CEP85L: variants seen among roughly 807,000 people sequenced by gnomAD.
CEP85L encodes centrosomal protein of 85 kDa-like.
Under a neutral mutation model 100.3 loss-of-function variants are expected in CEP85L, and 60 were observed. That is an observed-to-expected ratio of 0.60 (90% confidence interval 0.49 to 0.74). The LOEUF (loss-of-function observed/expected upper bound fraction) is 0.74, where lower values mean the gene tolerates loss of function less well. Ranked by LOEUF, CEP85L falls within the 30% of genes least tolerant of loss-of-function variation. The pLI is 0.00. For missense variants in CEP85L, 973 were observed against 936.2 expected (o/e 1.04, Z -0.51); for synonymous variants, 319 against 322.7 (o/e 0.99, Z 0.12).
intron 1 of CEP85L, among the ~76,000 whole-genome samples, chr6:118,700,655 C>T (rs1299775524): frequency 6.6e-6 from 1 of 152,220 alleles, no homozygotes; most frequent in Non-Finnish European, 1.5e-5. Context: ...TCTGAATCTA[C>T]ACGCAGTTCT....
rs1773980429 is a variant in CEP85L, at chr6:118,629,046, T to C, written c.232+3407A>G. Among the ~76,000 whole-genome samples the C allele has an allele frequency of 2.0e-5, 3 of 152,234 alleles. No homozygotes were observed. The East Asian group carries it at 5.8e-4, about 29-fold the overall frequency. ...GGATCAAAAATATTAACAATAAAAA[T>C]AATCAAACTTTAAAAACAATATAGT... is the stretch of plus-strand genomic sequence containing the variant. On this transcript the variant is annotated intron_variant, in intron 2 of 12. Coordinates refer to ENST00000368491, the MANE Select transcript of CEP85L (RefSeq NM_001042475.3).
intron 8 of CEP85L, among the ~76,000 whole-genome samples, chr6:118,481,257 G>A (rs1169243910): frequency 6.7e-6 from 1 of 150,324 alleles, no homozygotes; most frequent in East Asian, 1.9e-4. Flanking sequence ...TTTTTATAAA[G>A]CCATTAGGTA....
intron 2 of CEP85L, among the ~76,000 whole-genome samples, chr6:118,567,557 T>C (rs991346121): frequency 1.3e-5 from 2 of 152,050 alleles, no homozygotes; most frequent in Non-Finnish European, 2.9e-5. Context: ...AACCAAAGAC[T>C]ATAATTTTGT....
At chr6:118,613,680 C>T (rs1206777574) in intron 2 of CEP85L, among the ~76,000 whole-genome samples, 1 of 145,714 alleles carries the variant, frequency 6.9e-6, no homozygotes, top group Non-Finnish European at 1.5e-5. Flanking sequence ...TCGCTTGAAC[C>T]CAGGAGTTGG....
At chr6:118,592,807 T>G (rs1781265401) in intron 2 of CEP85L, among the ~76,000 whole-genome samples, 1 of 152,216 alleles carries the variant, frequency 6.6e-6, no homozygotes, top group African/African-American at 2.4e-5. Context: ...AAAGGAGTTC[T>G]CTATTTGCTT....
At chr6:118,496,575 G>C (rs897653286) in intron 5 of CEP85L, among the ~76,000 whole-genome samples, 1 of 151,892 alleles carries the variant, frequency 6.6e-6, no homozygotes, top group African/African-American at 2.4e-5. Flanking sequence ...GGCTGGTCTC[G>C]AACTCCTGAC....
At chr6:118,701,109 G>A (rs1382352469) in intron 1 of CEP85L, among the ~76,000 whole-genome samples, 1 of 152,180 alleles carries the variant, frequency 6.6e-6, no homozygotes, top group East Asian at 1.9e-4. Flanking sequence ...TTTCTACATT[G>A]TTAAGAGCCA....
At chr6:118,510,296 A>C (rs1359675939) in intron 5 of CEP85L, among the ~76,000 whole-genome samples, 1 of 152,268 alleles carries the variant, frequency 6.6e-6, no homozygotes, top group South Asian at 2.1e-4. Flanking sequence ...CAAAATATTG[A>C]GACAAAATTG....
chr6:118,651,442 G>C lies in CEP85L; in HGVS notation c.-173C>G, dbSNP rs1326282930. 1 of 1,326,838 alleles carries C rather than the reference G, an allele frequency of 7.5e-7. No individual in the cohort carries two copies. Among genetic ancestry groups the C allele is most frequent in the Non-Finnish European group, 9.6e-7 (1 of 1,042,200 alleles). The allele number at this position is 1,326,838 out of a possible 1,614,324, so 82.2% of individuals were successfully genotyped here. ...CTACGGGCGGGGAGCGCAGGGGCCA[G>C]ATTCGCCGCACTGCCGGCGCCTGCC... On this transcript the variant is annotated 5_prime_UTR_variant, in exon 1 of 13. The change creates a new upstream start codon in the 5' untranslated region. Coordinates refer to ENST00000368491, the MANE Select transcript of CEP85L (RefSeq NM_001042475.3).
chr6:118,590,901 G>A (rs868848536), intron 2 of CEP85L, among the ~76,000 whole-genome samples: 2 of 152,016 alleles, frequency 1.3e-5, no homozygotes, highest in African/African-American at 2.4e-5. Flanking sequence ...TATTTAAACC[G>A]GCGAGACAAA....
intron 10 of CEP85L, among the ~76,000 whole-genome samples, chr6:118,474,828 A>C (rs1025534287): frequency 2.6e-5 from 4 of 152,228 alleles, no homozygotes; most frequent in African/African-American, 9.6e-5. Flanking sequence ...GGAGATTGTC[A>C]TGAAAGGCAG....
chr6:118,524,165 C>CTA (rs1776826504), intron 3 of CEP85L, among the ~76,000 whole-genome samples: 1 of 152,048 alleles, frequency 6.6e-6, no homozygotes, highest in Non-Finnish European at 1.5e-5. Context: ...AATTATAAAA[C>CTA]TATATAAGAT....
chr6:118,621,195 C>T (rs1773419850), intron 2 of CEP85L, among the ~76,000 whole-genome samples: 1 of 152,182 alleles, frequency 6.6e-6, no homozygotes, highest in Non-Finnish European at 1.5e-5. Flanking sequence ...GTCCCTGCAA[C>T]ACCCCAATCC....
intron 2 of CEP85L, among the ~76,000 whole-genome samples, chr6:118,621,295 C>A (rs1773426174): frequency 6.6e-6 from 1 of 152,136 alleles, no homozygotes; most frequent in Non-Finnish European, 1.5e-5. Context: ...TGCTGCTGTA[C>A]CCAACCCCTA....
intron 1 of CEP85L, among the ~76,000 whole-genome samples, chr6:118,634,211 G>T (rs1774346734): frequency 6.6e-6 from 1 of 151,550 alleles, no homozygotes; most frequent in African/African-American, 2.4e-5. Flanking sequence ...TTAAACATAA[G>T]GGTAACAAAA....
At chr6:118,516,451 G>A (rs1047774718) in intron 4 of CEP85L, among the ~76,000 whole-genome samples, 1 of 152,162 alleles carries the variant, frequency 6.6e-6, no homozygotes, top group African/African-American at 2.4e-5. Flanking sequence ...CATTCTAACT[G>A]GTGTGAGATG....
chr6:118,584,846 G>A lies in CEP85L; in HGVS notation c.233-18530C>T, dbSNP rs565901474. On this transcript the variant is annotated intron_variant, in intron 2 of 12. Transcript: ENST00000368491. ...TGGGGGAGCCTTTGGCTAACAGATA[G>A]CTGACTTCTTAAATATCAGGCCCTG... 6.2e-4 allele frequency among the ~76,000 whole-genome samples: 95 copies of A among 152,350 alleles called. No homozygotes were observed. In the Middle Eastern group the frequency reaches 0.014, roughly 22 times the overall value.
At chr6:118,542,921 A>AAAAAC (rs1562245160) in intron 3 of CEP85L, among the ~76,000 whole-genome samples, 1 of 150,932 alleles carries the variant, frequency 6.6e-6, no homozygotes, top group Non-Finnish European at 1.5e-5. Flanking sequence ...AAAAAAAAAA[A>AAAAAC]AACAGGATAT....
At position 118,566,256 on chromosome 6, in the gene CEP85L, G is replaced by C; in HGVS notation, c.293C>G (p.Pro98Arg). The C allele has an allele frequency of 1.9e-6, 3 of 1,614,120 alleles. No individual in the cohort carries two copies. The highest frequency in any genetic ancestry group is 3.3e-4 in the Middle Eastern group (2 of 6,062). ...ATTAGACGGCATCACATGGGCAGTA[G>C]GAAGAGTAATCAATGATTGACTAGG... ...FKPSQSLITL[P>R]TAHVMPSNSS... The change falls in exon 3 of 13, where the codon CCT (proline) becomes CGT (arginine). Residue 98 changes from proline (P) to arginine (R), a missense_variant. This residue lies in a region of CEP85L where 890 missense variants were observed against 844.5 expected (regional missense o/e 1.05). Transcript: ENST00000368491.
Sources: gnomAD v4.1 joint callset for allele counts (sites outside exome capture counted in the v4.1 genomes callset) on GRCh38, gnomAD v4.1.1 for gene constraint, gnomAD v4.1.1 regional missense constraint, MANE v1.5 for transcripts, NCBI Gene and HGNC (gene_info 2026-07-23, HGNC 2026-07-21) for gene names.